NOL8: variants seen among roughly 807,000 people sequenced by gnomAD.
NOL8 encodes the protein nucleolar protein 8, also known as nucleolar protein Nop132.
In NOL8, 93 loss-of-function variants were observed where a neutral mutation model predicts 116.1. The observed-to-expected ratio is 0.80, with a 90% CI of 0.68 to 0.95. The LOEUF (loss-of-function observed/expected upper bound fraction) is 0.95, where lower values mean the gene tolerates loss of function less well. Among genes scored for constraint, NOL8 ranks in the 40% least tolerant of loss-of-function variants. The pLI, the probability that NOL8 is intolerant of heterozygous loss-of-function variation, is 0.00. For missense variants in NOL8, 1,291 were observed against 1,382.8 expected, an observed-to-expected ratio of 0.93 and a Z score of 1.05; for synonymous variants, 419 against 469.0, an observed-to-expected ratio of 0.89 and a Z score of 1.38.
At chr9:92,308,647 A>C (rs1235970808) in intron 10 of NOL8, among the ~76,000 whole-genome samples, 4 of 152,232 alleles carry the variant, frequency 2.6e-5, no homozygotes, top group African/African-American at 7.2e-5. Flanking sequence ...AAGAACCCAT[A>C]TTTGGAGGCA....
Position 92,314,725 on chromosome 9 carries a change from T to G in NOL8, c.1900A>C (p.Lys634Gln). 6.2e-7 allele frequency: 1 copy of G among 1,613,882 alleles called. No homozygotes were observed. The highest frequency in any genetic ancestry group is 8.5e-7 in the Non-Finnish European group (1 of 1,179,852). The change falls in exon 7 of 17, where the codon AAG (lysine) becomes CAG (glutamine). Residue 634 changes from lysine to glutamine, a missense_variant. Coordinates refer to ENST00000442668, the MANE Select transcript of NOL8 (RefSeq NM_017948.6). ...LGEVTPCQHA[K>Q]KANGPNYIQP... ...ATATAGTTTGGGCCATTCGCCTTCT[T>G]TGCATGTTGGCATGGAGTCACTTCA...
At position 92,310,687 on chromosome 9, in the gene NOL8, CACA is replaced by C. The variant is rs563883655; in HGVS notation, c.2473-15_2473-13del. ...TTACCCATAGACTCCTGTGAAGAAA[CACA>C]ACATTTATTAATAGCAGAGGCAAAC... On this transcript the variant is annotated splice_polypyrimidine_tract_variant and intron_variant, in intron 8 of 16. Coordinates refer to ENST00000442668, the MANE Select transcript of NOL8 (RefSeq NM_017948.6). The C allele has an allele frequency of 2.2e-4, 348 of 1,591,864 alleles. 2 individuals are homozygous for C. The African/African-American group carries it at 3.9e-3, about 18-fold the overall frequency.
At chr9:92,307,402 CTA>C (rs1169548873) in intron 10 of NOL8, among the ~76,000 whole-genome samples, 1 of 151,980 alleles carries the variant, frequency 6.6e-6, no homozygotes, top group Non-Finnish European at 1.5e-5. Flanking sequence ...TTACGTAAAT[CTA>C]AAAATGATAA....
intron 6 of NOL8, among the ~76,000 whole-genome samples, 155 bp downstream of exon 6, chr9:92,318,463 T>G (rs1170914038): frequency 6.6e-6 from 1 of 152,210 alleles, no homozygotes; most frequent in African/African-American, 2.4e-5. Context: ...TTTCTCATGC[T>G]CTAATTGTTT....
At chr9:92,311,722 A>G (rs1053341941) in intron 7 of NOL8, among the ~76,000 whole-genome samples, 3 of 152,232 alleles carry the variant, frequency 2.0e-5, no homozygotes, top group Non-Finnish European at 4.4e-5. Flanking sequence ...AAGGTTGCAG[A>G]GAAAGGGAAA....
Position 92,305,706 on chromosome 9 carries a change from AGATT to A in NOL8, c.2903+43_2903+46del, listed in dbSNP as rs749582818. ...CCTACATTTTTAATTGTCTGAAATGAGATTAATTTACATGATCCTATTGCTAAAA... is the reference window on the plus strand; with the variant it reads ...CCTACATTTTTAATTGTCTGAAATGAAATTTACATGATCCTATTGCTAAAA... On this transcript the variant is annotated intron_variant, in intron 12 of 16. Transcript: ENST00000442668. 4.7e-6 allele frequency: 6 copies of A among 1,286,326 alleles called. No homozygotes were observed. The African/African-American group carries it at 8.9e-5, about 19-fold the overall frequency. The allele number at this position is 1,286,326 out of a possible 1,614,324, so 79.7% of individuals were successfully genotyped here.
Position 92,298,820 on chromosome 9 carries a change from G to GAATT in NOL8, c.3373+60_3373+63dup, listed in dbSNP as rs1276672940. 49 of 919,788 alleles carry GAATT rather than the reference G, an allele frequency of 5.3e-5. 1 individual carries two copies. The highest frequency in any genetic ancestry group is 7.5e-5 in the Non-Finnish European group (47 of 623,894). 57.0% of individuals were successfully genotyped at this position (919,788 alleles called of 1,614,324 possible). ...ACCAACGGTCAAAATTCCTGGATGT[G>GAATT]AATTACTGTAGCTGTATTATTACCT... is the stretch of plus-strand genomic sequence containing the variant. On this transcript the variant is annotated intron_variant, in intron 15 of 16. Coordinates refer to ENST00000442668, the MANE Select transcript of NOL8 (RefSeq NM_017948.6).
intron 12 of NOL8, among the ~76,000 whole-genome samples, chr9:92,305,131 T>C (rs1408658816): frequency 6.6e-6 from 1 of 151,980 alleles, no homozygotes; most frequent in Admixed American, 6.6e-5. Context: ...TGCAGAGATA[T>C]TAAGTTAAGG....
At chr9:92,324,436 C>CA (rs2130753759) in intron 1 of NOL8, 1 of 310,108 alleles carries the variant, frequency 3.2e-6, no homozygotes, top group East Asian at 5.4e-5. Flanking sequence ...CAGGTACAGA[C>CA]AGAGTTTTTT....
chr9:92,318,821 AAG>A (rs1839662740), intron 5 of NOL8, 135 bp from the exon 6 acceptor site: 1 of 598,218 alleles, frequency 1.7e-6, no homozygotes, highest in African/African-American at 1.9e-5. Context: ...ACAATGAAAT[AAG>A]AGTTACCAAA....
At chr9:92,318,033 C>CAAAAAAAAAA (rs745928872) in intron 6 of NOL8, among the ~76,000 whole-genome samples, 1 of 34,610 alleles carries the variant, frequency 2.9e-5, no homozygotes, top group African/African-American at 1.2e-4. Context: ...GACTCCATCT[C>CAAAAAAAAAA]AAAAAAAAAA....
In NOL8 at chr9:92,305,844, G is replaced by C; in HGVS notation, c.2826-14C>G. ...TGTATGATGTCCCTATGTAAAAAAA[G>C]GAAGGGAGGTTGGAAGAGATAAAAA... is the stretch of plus-strand genomic sequence containing the variant. On this transcript the variant is annotated splice_polypyrimidine_tract_variant and intron_variant, in intron 11 of 16. Transcript: ENST00000442668. The C allele has an allele frequency of 6.3e-7, 1 of 1,587,276 alleles. No individual in the cohort carries two copies. The highest frequency in any genetic ancestry group is 8.6e-7 in the Non-Finnish European group (1 of 1,156,532).
At position 92,314,810 on chromosome 9, in the gene NOL8, A is replaced by C. The variant is rs1205717870; in HGVS notation, c.1815T>G (p.His605Gln). The change falls in exon 7 of 17, where the codon CAT becomes CAG. Residue 605 changes from histidine to glutamine, a missense_variant. By Grantham distance (24) the His-to-Gln change is conservative. Coordinates refer to ENST00000442668, the MANE Select transcript of NOL8 (RefSeq NM_017948.6). The part of the protein sequence containing the change: ...SNNKDQNSMK[H>Q]EDPSIISMED... ...CCATGGATATGATACTGGGATCCTC[A>C]TGTTTCATGGAATTCTGATCTTTAT... 32 of 1,613,392 alleles carry C rather than the reference A, an allele frequency of 2.0e-5. No homozygotes were observed. The highest frequency in any genetic ancestry group is 2.7e-5 in the Non-Finnish European group (32 of 1,179,726).
intron 4 of NOL8, among the ~76,000 whole-genome samples, 159 bp from the exon 5 acceptor site, chr9:92,319,515 C>T (rs1839739971): frequency 6.6e-6 from 1 of 152,158 alleles, no homozygotes; most frequent in Non-Finnish European, 1.5e-5. Flanking sequence ...TAATAGCTTA[C>T]CTACTTATCT....
In NOL8 at chr9:92,321,650, A is replaced by T. The variant is rs1369986126; in HGVS notation, c.281+18T>A. On this transcript the variant is annotated intron_variant, in intron 4 of 16. Transcript: ENST00000442668. Reference sequence around the variant, plus strand: ...TATAAAAAAAATAGGGCTTAAATCCATGTGGAGCAAAACTTACCTGTGCAG... The same window carrying T: ...TATAAAAAAAATAGGGCTTAAATCCTTGTGGAGCAAAACTTACCTGTGCAG... 6.8e-7 allele frequency: 1 copy of T among 1,466,436 alleles called. No individual in the cohort carries two copies. The highest frequency in any genetic ancestry group is 2.5e-5 in the East Asian group (1 of 39,918). The allele number at this position is 1,466,436 out of a possible 1,614,324, so 90.8% of individuals were successfully genotyped here. A position where few individuals can be genotyped will look rare whatever the true frequency, so the allele number is the denominator to read the frequency against.
At position 92,319,348 on chromosome 9, in the gene NOL8, T is replaced by G; in HGVS notation, c.290A>C (p.Gln97Pro). 1 of 1,554,432 alleles carries G rather than the reference T, an allele frequency of 6.4e-7. No individual in the cohort carries two copies. Among genetic ancestry groups the G allele is most frequent in the Non-Finnish European group, 8.6e-7 (1 of 1,159,642 alleles). The change falls in exon 5 of 17, where the codon CAA (glutamine) becomes CCA (proline). Residue 97 changes from glutamine (Q) to proline (P), a missense_variant. By Grantham distance (76) the Gln-to-Pro change is moderately conservative. Transcript: ENST00000442668. ...AKESFLHRLA[Q>P]EREAAKAKKE... ...CTTAGCTTTTGCTGCTTCTCTCTCT[T>G]GGGCCAATCTGAATCAAAAAGAAAA...
At chr9:92,301,877 T>A in intron 12 of NOL8, 55 bp from the exon 13 acceptor site, 1 of 1,461,282 alleles carries the variant, frequency 6.8e-7, no homozygotes, top group South Asian at 1.4e-5. Context: ...TTGGGAAATT[T>A]CCAGAAATCA....
chr9:92,306,389 G>A (rs1198581637), intron 11 of NOL8, among the ~76,000 whole-genome samples: 1 of 152,122 alleles, frequency 6.6e-6, no homozygotes, highest in Non-Finnish European at 1.5e-5. Context: ...CAGATAAAAT[G>A]ATATACTATC....
chr9:92,297,904 C>T lies in NOL8; in HGVS notation c.3454-18G>A, dbSNP rs979426491. ...CGACAATCCTAGGAAAAAAAAAAGA[C>T]TTGGTTAGCAATAAACAAATTGTTT... On this transcript the variant is annotated intron_variant, in intron 16 of 16. Transcript: ENST00000442668. The T allele has an allele frequency of 1.0e-5, 16 of 1,532,396 alleles. No individual in the cohort carries two copies. The Admixed American group carries it at 2.7e-4, about 26-fold the overall frequency. 94.9% of individuals were successfully genotyped at this position (1,532,396 alleles called of 1,614,324 possible).
Sources: gnomAD v4.1 joint callset for allele counts (sites outside exome capture counted in the v4.1 genomes callset) on GRCh38, gnomAD v4.1.1 for gene constraint, MANE v1.5 for transcripts, NCBI Gene and HGNC (gene_info 2026-07-23, HGNC 2026-07-21) for gene names.